The following GRK5 variants were observed in gnomAD, a reference collection of about 807,000 sequenced individuals.
GRK5 encodes the protein G protein-coupled receptor kinase 5.
In GRK5, 40 loss-of-function variants were observed where a neutral mutation model predicts 78.4. That is an observed-to-expected ratio of 0.51 (90% CI 0.40 to 0.66). The LOEUF is 0.66. Ranked by LOEUF, GRK5 falls within the 30% of genes least tolerant of loss-of-function variation. The pLI is 0.00. For missense variants in GRK5, 598 were observed against 759.9 expected, an observed-to-expected ratio of 0.79 and a Z score of 2.50; for synonymous variants, 289 against 296.8, an observed-to-expected ratio of 0.97 and a Z score of 0.27.
chr10:119,232,462 A>G (rs1039094641), intron 1 of GRK5, among the ~76,000 whole-genome samples: 5 of 152,248 alleles, frequency 3.3e-5, no homozygotes, highest in African/African-American at 1.2e-4. Context: ...TCAAATAGCT[A>G]GAAGGAGGAT....
intron 1 of GRK5, among the ~76,000 whole-genome samples, chr10:119,247,040 G>A (rs1849125152): frequency 6.6e-6 from 1 of 152,174 alleles, no homozygotes; most frequent in African/African-American, 2.4e-5. Context: ...ATGGGATTTT[G>A]TACCCCGTTG....
rs1315465745 is a variant in GRK5 at position 119,207,900 on chromosome 10, G to A, written c.-18G>A. 6.3e-7 allele frequency: 1 copy of A among 1,593,920 alleles called. No homozygotes were observed. The highest frequency in any genetic ancestry group is 2.3e-5 in the East Asian group (1 of 43,012). The stretch of plus-strand genomic sequence containing the variant: ...GACAGCCCCGCCGGCCGGCTCCGTT[G>A]CTGACCGCCGACTGTCAATGGAGCT... On this transcript the variant is annotated 5_prime_UTR_variant, in exon 1 of 16. Coordinates refer to ENST00000392870, the MANE Select transcript of GRK5 (RefSeq NM_005308.3).
At chr10:119,209,503 T>TG (rs1848449296) in intron 1 of GRK5, among the ~76,000 whole-genome samples, 1 of 100,128 alleles carries the variant, frequency 1.0e-5, no homozygotes, top group South Asian at 3.0e-4. Context: ...TTTTTTTTTT[T>TG]TTTTTTTTTT....
In GRK5 at chr10:119,399,960, G is replaced by A. The variant is rs72837515; in HGVS notation, c.339+3188G>A. Among the ~76,000 whole-genome samples, 237 of 152,284 alleles carry A rather than the reference G, an allele frequency of 1.6e-3. No individual in the cohort carries two copies. The Middle Eastern group carries it at 0.017, about 11-fold the overall frequency. On this transcript the variant is annotated intron_variant, in intron 4 of 15. Coordinates refer to ENST00000392870, the MANE Select transcript of GRK5 (RefSeq NM_005308.3). ...GCCCCAGAAGGCCCTTTATGAAGGC[G>A]CTGTCCCCTACTCTGTCTTTCTCGC...
intron 1 of GRK5, among the ~76,000 whole-genome samples, chr10:119,247,314 C>T (rs1340038987): frequency 1.3e-5 from 2 of 152,262 alleles, no homozygotes; most frequent in Non-Finnish European, 1.5e-5. Context: ...CAGAAAAATA[C>T]GATGACCTGG....
At chr10:119,365,958 G>A (rs1342352058) in intron 2 of GRK5, among the ~76,000 whole-genome samples, 1 of 152,192 alleles carries the variant, frequency 6.6e-6, no homozygotes, top group Non-Finnish European at 1.5e-5. Context: ...TCATTCACTG[G>A]TCAAACGTTA....
chr10:119,404,443 T>A (rs1425749441), intron 4 of GRK5, among the ~76,000 whole-genome samples: 2 of 152,246 alleles, frequency 1.3e-5, no homozygotes, highest in Non-Finnish European at 2.9e-5. Context: ...TTACACATAT[T>A]TTCTCCCATT....
chr10:119,443,441 G>A (rs1853078189), intron 11 of GRK5, 103 bp from the exon 12 acceptor site: 2 of 996,492 alleles, frequency 2.0e-6, no homozygotes, highest in Admixed American at 2.3e-5. Context: ...AGCAGTTGGT[G>A]GGGTAAGAGT....
chr10:119,359,862 C>T (rs549411650), intron 2 of GRK5, among the ~76,000 whole-genome samples: 2 of 152,230 alleles, frequency 1.3e-5, no homozygotes, highest in Admixed American at 1.3e-4. Context: ...AAGTCCCATG[C>T]AGAGTCCGGG....
intron 1 of GRK5, among the ~76,000 whole-genome samples, chr10:119,261,074 G>C (rs1183573106): frequency 7.0e-6 from 1 of 142,754 alleles, no homozygotes; most frequent in African/African-American, 2.6e-5. Flanking sequence ...GCGGCTGGCC[G>C]GGCGGAGACG....
At chr10:119,254,412 T>C (rs1849248110) in intron 1 of GRK5, among the ~76,000 whole-genome samples, 2 of 152,176 alleles carry the variant, frequency 1.3e-5, no homozygotes, top group African/African-American at 2.4e-5. Context: ...TCTGCTCTTA[T>C]TCATTCAACA....
chr10:119,258,727 G>C (rs1214056232), intron 1 of GRK5, among the ~76,000 whole-genome samples: 1 of 152,178 alleles, frequency 6.6e-6, no homozygotes, highest in African/African-American at 2.4e-5. Flanking sequence ...TTATCCGGGG[G>C]TCAATGCCAG....
At chr10:119,358,128 A>G (rs1851295799) in intron 2 of GRK5, among the ~76,000 whole-genome samples, 1 of 152,066 alleles carries the variant, frequency 6.6e-6, no homozygotes, top group Non-Finnish European at 1.5e-5. Flanking sequence ...GGGAGGGAGA[A>G]AGGGGCCAGC....
At chr10:119,341,540 A>C (rs1244264135) in intron 2 of GRK5, among the ~76,000 whole-genome samples, 2 of 152,126 alleles carry the variant, frequency 1.3e-5, no homozygotes, top group Non-Finnish European at 2.9e-5. Context: ...TCCTCCAGGA[A>C]GCCCTCCCTG....
chr10:119,399,550 G>A (rs1288351197), intron 4 of GRK5, among the ~76,000 whole-genome samples: 2 of 152,182 alleles, frequency 1.3e-5, no homozygotes, highest in African/African-American at 4.8e-5. Context: ...GTAGACCATA[G>A]GAGAGTGGCC....
intron 2 of GRK5, among the ~76,000 whole-genome samples, chr10:119,352,672 C>T (rs549856896): frequency 3.9e-5 from 6 of 152,278 alleles, no homozygotes; most frequent in Admixed American, 6.5e-5. Flanking sequence ...AAAGTTGCAG[C>T]GATTATGTCA....
rs1043408933 is a variant in GRK5, at chr10:119,432,396, T to C, written c.738+869T>C. Among the ~76,000 whole-genome samples the C allele has an allele frequency of 9.8e-5, 15 of 152,330 alleles. 1 individual carries two copies. The highest frequency in any genetic ancestry group is 3.6e-4 in the African/African-American group (15 of 41,578). On this transcript the variant is annotated intron_variant, in intron 8 of 15. Coordinates refer to ENST00000392870, the MANE Select transcript of GRK5 (RefSeq NM_005308.3). ...CCAGGATTTCGAGGCTGCAGTGAAC[T>C]ATGATCGTGCCACTGCACCCCAGCC... is the stretch of plus-strand genomic sequence containing the variant.
At chr10:119,274,438 C>G (rs779023226) in intron 1 of GRK5, among the ~76,000 whole-genome samples, 8 of 152,230 alleles carry the variant, frequency 5.3e-5, no homozygotes, top group Non-Finnish European at 4.4e-5. Context: ...CCATTCCCAG[C>G]TTCTGTAGGG....
chr10:119,293,668 C>A (rs59348252), intron 1 of GRK5, among the ~76,000 whole-genome samples: 3,211 of 152,146 alleles, frequency 0.021, 67 homozygotes, highest in East Asian at 0.062. Context: ...CTCGTCACTG[C>A]CCAGGAGATT....
Sources: gnomAD v4.1 joint callset for allele counts (sites outside exome capture counted in the v4.1 genomes callset) on GRCh38, gnomAD v4.1.1 for gene constraint, MANE v1.5 for transcripts, NCBI Gene and HGNC (gene_info 2026-07-23, HGNC 2026-07-21) for gene names.